Variants in PPFIA2 observed in about 807,000 individuals in gnomAD.
The protein encoded by PPFIA2 is liprin-alpha-2.
PPFIA2 carries 46 observed loss-of-function variants against 175.5 expected under a neutral mutation model. That is an observed-to-expected ratio of 0.26 (90% CI 0.21 to 0.34). The LOEUF (loss-of-function observed/expected upper bound fraction) is 0.34. PPFIA2 is among the 10% of genes least tolerant of loss of function. PPFIA2 has a pLI of 1.00. For missense variants in PPFIA2, 1,179 were observed against 1,506.1 expected (o/e 0.78, Z 3.60); for synonymous variants, 568 against 511.4 (o/e 1.11, Z -1.49).
intron 21 of PPFIA2, among the ~76,000 whole-genome samples, chr12:81,338,680 A>G (rs1289801168): frequency 6.6e-6 from 1 of 152,024 alleles, no homozygotes; most frequent in Non-Finnish European, 1.5e-5. Flanking sequence ...AATTCTTTTT[A>G]ATTTTTTGTA....
rs1296107831 is a variant in PPFIA2, at chr12:81,562,874, A to AAG, written c.304-105010_304-105009dup. Among the ~76,000 whole-genome samples the AAG allele has an allele frequency of 2.1e-3, 319 of 149,500 alleles. 1 individual carries two copies. Among genetic ancestry groups the AAG allele is most frequent in the African/African-American group, 6.8e-3 (274 of 40,494 alleles). On this transcript the variant is annotated intron_variant, in intron 4 of 32. Transcript: ENST00000549396. ...AAAAAAAAAAAAAAAAAAAAAAAAA[A>AAG]AGAGAGAGTATGTTGAATGTACAAT...
intron 7 of PPFIA2, among the ~76,000 whole-genome samples, chr12:81,436,211 G>A (rs1358117700): frequency 2.2e-5 from 3 of 137,738 alleles, no homozygotes; most frequent in Non-Finnish European, 4.6e-5. Flanking sequence ...AGGCTAAGAG[G>A]TGGAGGGTGC....
chr12:81,735,056 C>T (rs532703031), intron 3 of PPFIA2, among the ~76,000 whole-genome samples: 15 of 151,738 alleles, frequency 9.9e-5, no homozygotes, highest in Non-Finnish European at 2.2e-4. Flanking sequence ...ATTTTCTTTA[C>T]CACCTGAGGG....
intron 8 of PPFIA2, among the ~76,000 whole-genome samples, chr12:81,385,954 C>T (rs1490358651): frequency 5.3e-5 from 8 of 151,842 alleles, no homozygotes; most frequent in Non-Finnish European, 2.9e-5. Flanking sequence ...TTGTAACTCA[C>T]GAATATGTAC....
chr12:81,745,850 G>A (rs1179363400), intron 3 of PPFIA2, among the ~76,000 whole-genome samples: 1 of 152,164 alleles, frequency 6.6e-6, no homozygotes, highest in East Asian at 1.9e-4. Flanking sequence ...TAAGCTCTCT[G>A]AATGTTTTTC....
chr12:81,525,741 C>T (rs2063660246), intron 4 of PPFIA2, among the ~76,000 whole-genome samples: 1 of 152,134 alleles, frequency 6.6e-6, no homozygotes, highest in African/African-American at 2.4e-5. Context: ...TATATATGTT[C>T]TCCTTATATT....
intron 6 of PPFIA2, among the ~76,000 whole-genome samples, chr12:81,442,952 A>G (rs73356670): frequency 0.35 from 46,810 of 132,900 alleles, 10,292 homozygotes; most frequent in African/African-American, 0.61. Flanking sequence ...CCTATGAGAA[A>G]CTGTGAGTTA....
At chr12:81,620,152 T>A (rs1595694998) in intron 4 of PPFIA2, among the ~76,000 whole-genome samples, 2 of 86,254 alleles carry the variant, frequency 2.3e-5, no homozygotes, top group South Asian at 4.4e-4. Context: ...AGAGTGACAC[T>A]CCTTCTCAAA....
intron 7 of PPFIA2, among the ~76,000 whole-genome samples, chr12:81,417,560 A>C (rs766645488): frequency 1.3e-5 from 2 of 151,682 alleles, no homozygotes; most frequent in Non-Finnish European, 3.0e-5. Flanking sequence ...CTAGGGCAAT[A>C]AAAAGGATTT....
At chr12:81,503,604 T>C (rs1299888115) in intron 4 of PPFIA2, among the ~76,000 whole-genome samples, 2 of 152,110 alleles carry the variant, frequency 1.3e-5, no homozygotes, top group Non-Finnish European at 2.9e-5. Flanking sequence ...AAAAAAACTT[T>C]TTAGTCATTT....
intron 18 of PPFIA2, among the ~76,000 whole-genome samples, chr12:81,345,571 T>A (rs1595202809): frequency 6.6e-6 from 1 of 151,982 alleles, no homozygotes; most frequent in Admixed American, 6.6e-5. Context: ...CTATCAAGAG[T>A]TATGATGCTT....
At chr12:81,374,022 A>G (rs1178064739) in intron 11 of PPFIA2, among the ~76,000 whole-genome samples, 5 of 152,072 alleles carry the variant, frequency 3.3e-5, no homozygotes, top group Non-Finnish European at 7.4e-5. Context: ...TCTTTTTAAC[A>G]TTATAATGCT....
chr12:81,473,183 G>T (rs2056997920), intron 4 of PPFIA2, among the ~76,000 whole-genome samples: 1 of 152,116 alleles, frequency 6.6e-6, no homozygotes, highest in Non-Finnish European at 1.5e-5. Flanking sequence ...TGAGGTGCGT[G>T]GATCACCTGC....
intron 22 of PPFIA2, among the ~76,000 whole-genome samples, chr12:81,304,503 A>ATAGTGTTGTTATAG (rs2048668558): frequency 6.6e-6 from 1 of 152,258 alleles, no homozygotes; most frequent in African/African-American, 2.4e-5. Flanking sequence ...AGACTAAGGC[A>ATAGTGTTGTTATAG]GTAAAGTAGG....
intron 15 of PPFIA2, among the ~76,000 whole-genome samples, chr12:81,359,465 G>C (rs540744250): frequency 1.3e-5 from 2 of 151,632 alleles, no homozygotes; most frequent in Non-Finnish European, 2.9e-5. Flanking sequence ...AAAACAACTA[G>C]GCCATATTCA....
chr12:81,580,493 T>C (rs1226081074), intron 4 of PPFIA2, among the ~76,000 whole-genome samples: 3 of 151,828 alleles, frequency 2.0e-5, no homozygotes, highest in South Asian at 2.1e-4. Context: ...GGAATATCTA[T>C]ATTTTATATG....
At chr12:81,752,130 A>G (rs1281372978) in intron 3 of PPFIA2, among the ~76,000 whole-genome samples, 1 of 152,202 alleles carries the variant, frequency 6.6e-6, no homozygotes, top group Non-Finnish European at 1.5e-5. Flanking sequence ...ATGCAAGTCA[A>G]TTAGAAACTT....
chr12:81,655,791 T>C (rs1364822713), intron 4 of PPFIA2, among the ~76,000 whole-genome samples: 3 of 152,020 alleles, frequency 2.0e-5, no homozygotes, highest in Non-Finnish European at 4.4e-5. Flanking sequence ...AGCTTATTTA[T>C]CACATTGCTC....
intron 9 of PPFIA2, chr12:81,378,079 C>T (rs1339977894): frequency 2.0e-5 from 3 of 152,004 alleles, no homozygotes; most frequent in African/African-American, 7.3e-5. Flanking sequence ...TGCTACCAGC[C>T]AAGAATGCCA....
Sources: allele counts gnomAD v4.1 joint callset (sites outside exome capture counted in the v4.1 genomes callset), GRCh38; gene constraint gnomAD v4.1.1; transcripts MANE v1.5; gene names NCBI Gene and HGNC (gene_info 2026-07-23, HGNC 2026-07-21).